Variants in NEURL4 observed in about 807,000 individuals in gnomAD.
NEURL4 encodes neuralized-like protein 4.
Under a neutral mutation model 148.0 loss-of-function variants are expected in NEURL4, and 45 were observed. That is an observed-to-expected ratio of 0.30 (90% CI 0.24 to 0.39). The LOEUF (loss-of-function observed/expected upper bound fraction) is 0.39, where lower values mean the gene tolerates loss of function less well. Among genes scored for constraint, NEURL4 ranks in the 10% least tolerant of loss-of-function variants. NEURL4 has a pLI of 1.00. For synonymous variants in NEURL4, 854 were observed against 869.0 expected, an observed-to-expected ratio of 0.98 and a Z score of 0.30; for missense variants, 1,776 against 2,144.0, an observed-to-expected ratio of 0.83 and a Z score of 3.39.
chr17:7,316,655 G>A (rs1382159270), intron 28 of NEURL4, among the ~76,000 whole-genome samples: 5 of 152,222 alleles, frequency 3.3e-5, no homozygotes, highest in African/African-American at 9.6e-5. Flanking sequence ...GGCGGGGCGC[G>A]GTGGCTCACG....
Position 7,324,547 on chromosome 17 carries a change from C to G in NEURL4, c.1814-67G>C. ...AGGGCTCCTCTCCTTGCCACAGCAG[C>G]GCCCACAGGACTCCCGAGCCCACAG... On this transcript the variant is annotated intron_variant, in intron 9 of 28. Transcript: ENST00000399464. This position sits in a 1 kb window ranked among gnomAD's most constrained non-coding sequence, Gnocchi z 5.9. 7.0e-7 allele frequency: 1 copy of G among 1,433,226 alleles called. No homozygotes were observed. Among genetic ancestry groups the G allele is most frequent in the Non-Finnish European group, 9.8e-7 (1 of 1,017,822 alleles). The allele number at this position is 1,433,226 out of a possible 1,614,324, so 88.8% of individuals were successfully genotyped here. A position where few individuals can be genotyped will look rare whatever the true frequency, so the allele number is the denominator to read the frequency against.
Position 7,329,309 on chromosome 17 carries a change from C to A in NEURL4, c.4G>T (p.Ala2Ser). 1 of 1,394,598 alleles carries A rather than the reference C, an allele frequency of 7.2e-7. No homozygotes were observed. Among genetic ancestry groups the A allele is most frequent in the Non-Finnish European group, 9.3e-7 (1 of 1,081,024 alleles). 86.4% of individuals were successfully genotyped at this position (1,394,598 alleles called of 1,614,324 possible). Reference sequence around the variant, plus strand: ...CCCCCACTCCCACCCGACCCTGCCGCCATCTCCGCTGACACCGGGGCAGCG... The same window carrying A: ...CCCCCACTCCCACCCGACCCTGCCGACATCTCCGCTGACACCGGGGCAGCG... M[A>S]AGSGGSGGSG... The change falls in exon 1 of 29, where the codon GCG (alanine) becomes TCG (serine). Residue 2 changes from alanine (A) to serine (S), a missense_variant. Ala to Ser is a moderately conservative substitution (Grantham distance 99, BLOSUM62 1). Transcript: ENST00000399464.
rs1309948362 is a variant in NEURL4 at position 7,321,141 on chromosome 17, C to G, written c.3331G>C (p.Asp1111His). 6.2e-7 allele frequency: 1 copy of G among 1,613,778 alleles called. No homozygotes were observed. Among genetic ancestry groups the G allele is most frequent in the Non-Finnish European group, 8.5e-7 (1 of 1,179,996 alleles). Residue 1111 changes from aspartate (D) to histidine (H), a missense_variant, in exon 20 of 29, where the codon GAT becomes CAT. Asp to His is a moderately conservative substitution (Grantham distance 81). Coordinates refer to ENST00000399464, the MANE Select transcript of NEURL4 (RefSeq NM_032442.3). This position sits in a 1 kb window ranked among gnomAD's most constrained non-coding sequence, Gnocchi z 6.3. Reference sequence around the variant, plus strand: ...AGGCCATGCTCCTCGCCCTCGTCATCCTCCTCGCCCTCACTGCCGGTGTCT... The same window carrying G: ...AGGCCATGCTCCTCGCCCTCGTCATGCTCCTCGCCCTCACTGCCGGTGTCT... ...SSDTGSEGEE[D>H]DEGEEHGLGG...
Position 7,322,397 on chromosome 17 carries a change from A to G in NEURL4, c.2725+338T>C, listed in dbSNP as rs2073045599. Among the ~76,000 whole-genome samples, 1 of 152,130 alleles carries G rather than the reference A, an allele frequency of 6.6e-6. No homozygotes were observed. ...GGTCTCAAACTCTTGTGCTCGAGAG[A>G]TCCACCTGCCTTGAACTCCCAAAGT... On this transcript the variant is annotated intron_variant, in intron 16 of 28. Transcript: ENST00000399464. This position sits in a 1 kb window ranked among gnomAD's most constrained non-coding sequence, Gnocchi z 5.5.
rs2073114580 is a variant in NEURL4 at position 7,327,217 on chromosome 17, G to A, written c.741C>T (p.Ser247=). ...GTSADEAFMV[S]PAQARPETFP... is the part of the protein sequence containing the mutation. ...ACGTCTCCGGCCGGGCCTGCGCTGG[G>A]GACACCATGAAGGCTGGGGACCAGG... Residue 247 remains serine, a synonymous_variant, in exon 3 of 29, where the codon TCC becomes TCT. Transcript: ENST00000399464. The surrounding 1 kb of genome is among the most constrained non-coding windows in gnomAD (Gnocchi z 6.6). The A allele has an allele frequency of 6.2e-7, 1 of 1,610,914 alleles. No individual in the cohort carries two copies. The highest frequency in any genetic ancestry group is 1.1e-5 in the South Asian group (1 of 90,842).
rs34688574 is a variant in NEURL4, at chr17:7,317,562, C to A, written c.4217G>T (p.Arg1406Leu). Reference protein sequence around the residue: ...WCRFNLRVNPRLEAGTLTKKW... With the variant: ...WCRFNLRVNPLLEAGTLTKKW... ...CTTGGTTAGTGTCCCAGCCTCCAGG[C>A]GGGGATTCACTCTAGGAGGTGGACA... is the stretch of plus-strand genomic sequence containing the variant. Residue 1406 changes from arginine to leucine, a missense_variant, in exon 27 of 29, where the codon CGC (arginine) becomes CTC (leucine). By Grantham distance (102) the Arg-to-Leu change is moderately radical. Coordinates refer to ENST00000399464, the MANE Select transcript of NEURL4 (RefSeq NM_032442.3). 140 of 1,613,944 alleles carry A rather than the reference C, an allele frequency of 8.7e-5. No homozygotes were observed. The highest frequency in any genetic ancestry group is 3.7e-4 in the Admixed American group (22 of 59,998).
rs1399774793 is a variant in NEURL4 at position 7,326,718 on chromosome 17, A to G, written c.1085T>C (p.Met362Thr). The G allele has an allele frequency of 6.2e-7, 1 of 1,609,798 alleles. No individual in the cohort carries two copies. The highest frequency in any genetic ancestry group is 1.3e-5 in the African/African-American group (1 of 74,408). Residue 362 changes from methionine to threonine, a missense_variant, in exon 4 of 29, where the codon ATG (methionine) becomes ACG (threonine). Physicochemically the swap from Met to Thr is moderately conservative, Grantham distance 81 (BLOSUM62 -1). Coordinates refer to ENST00000399464, the MANE Select transcript of NEURL4 (RefSeq NM_032442.3). This position sits in a 1 kb window ranked among gnomAD's most constrained non-coding sequence, Gnocchi z 6.0. ...CCACAGGACTTTGCACACCTCAAAC[A>G]TCTCATTGTCCCGAAGGGGGCGATT... ...MTNRPLRDNE[M>T]FEIRIDKLVD... is the part of the protein sequence containing the mutation.
chr17:7,321,130 G>A lies in NEURL4; in HGVS notation c.3342C>T (p.Gly1114=). The A allele has an allele frequency of 6.2e-7, 1 of 1,613,654 alleles. No individual in the cohort carries two copies. The highest frequency in any genetic ancestry group is 8.5e-7 in the Non-Finnish European group (1 of 1,179,924). Residue 1114 remains glycine, a synonymous_variant, in exon 20 of 29, where the codon GGC becomes GGT. Coordinates refer to ENST00000399464, the MANE Select transcript of NEURL4 (RefSeq NM_032442.3). The surrounding 1 kb of genome is among the most constrained non-coding windows in gnomAD (Gnocchi z 6.3). The stretch of plus-strand genomic sequence containing the variant: ...CTCTTACTCCCAGGCCATGCTCCTC[G>A]CCCTCGTCATCCTCCTCGCCCTCAC... ...TGSEGEEDDE[G]EEHGLGGQNE... is the part of the protein sequence containing the mutation.
chr17:7,327,064 C>G lies in NEURL4; in HGVS notation c.794-55G>C. On this transcript the variant is annotated intron_variant, in intron 3 of 28. Coordinates refer to ENST00000399464, the MANE Select transcript of NEURL4 (RefSeq NM_032442.3). The surrounding 1 kb of genome is among the most constrained non-coding windows in gnomAD (Gnocchi z 6.6). ...CGGAAGTTGGGATGAGGCTCTACAC[C>G]CCCAGACCTGGTGCCTCTCTCCCTA... is the stretch of plus-strand genomic sequence containing the variant. 1 of 1,600,736 alleles carries G rather than the reference C, an allele frequency of 6.2e-7. No individual in the cohort carries two copies. Among genetic ancestry groups the G allele is most frequent in the South Asian group, 1.1e-5 (1 of 90,930 alleles).
At chr17:7,320,738 G>A in intron 21 of NEURL4, 21 bp downstream of exon 21, 1 of 1,605,214 alleles carries the variant, frequency 6.2e-7, no homozygotes, top group African/African-American at 1.3e-5. Context: ...GAGAAGCTGG[G>A]GATAGGGAGG....
In NEURL4 at chr17:7,316,219, T is replaced by G; in HGVS notation, c.4593A>C (p.Glu1531Asp). The G allele has an allele frequency of 6.2e-6, 10 of 1,613,512 alleles. No homozygotes were observed. The highest frequency in any genetic ancestry group is 8.5e-6 in the Non-Finnish European group (10 of 1,179,494). Residue 1531 changes from glutamate (E) to aspartate (D), a missense_variant, in exon 29 of 29, where the codon GAA becomes GAC. Glu to Asp is a conservative substitution (Grantham distance 45). Coordinates refer to ENST00000399464, the MANE Select transcript of NEURL4 (RefSeq NM_032442.3). ...TPGPPSAALG[E>D]PPDPHFSPAE... Reference sequence around the variant, plus strand: ...CTGGACTGAAGTGAGGGTCAGGAGGTTCTCCAAGGGCAGCGGAAGGGGGTC... The same window carrying G: ...CTGGACTGAAGTGAGGGTCAGGAGGGTCTCCAAGGGCAGCGGAAGGGGGTC...
Position 7,321,115 on chromosome 17 carries a change from C to G in NEURL4, c.3357G>C (p.Leu1119=). Residue 1119 remains leucine, a synonymous_variant, in exon 20 of 29, where the codon CTG becomes CTC. Coordinates refer to ENST00000399464, the MANE Select transcript of NEURL4 (RefSeq NM_032442.3). The surrounding 1 kb of genome is among the most constrained non-coding windows in gnomAD (Gnocchi z 6.3). ...EEDDEGEEHG[L]GGQNEVGIIP... is the part of the protein sequence containing the mutation. ...AGACCATGCTGCAGCCTCTTACTCC[C>G]AGGCCATGCTCCTCGCCCTCGTCAT... 2 of 1,613,552 alleles carry G rather than the reference C, an allele frequency of 1.2e-6. No homozygotes were observed. The highest frequency in any genetic ancestry group is 1.7e-6 in the Non-Finnish European group (2 of 1,179,832).
In NEURL4 at chr17:7,323,046, G is replaced by T. The variant is rs923780707; in HGVS notation, c.2495C>A (p.Ala832Glu). ...GGCAGTTCGCATCATGCCAATGCGT[G>T]CACCTGTGCCCAGCGCATCCAGGTC... ...GCDLDALGTGARIGMMRTAKG... is the reference protein window; with the variant it reads ...GCDLDALGTGERIGMMRTAKG... Residue 832 changes from alanine (A) to glutamate (E), a missense_variant, in exon 15 of 29, where the codon GCA (alanine) becomes GAA (glutamate). Coordinates refer to ENST00000399464, the MANE Select transcript of NEURL4 (RefSeq NM_032442.3). 30 of 1,613,664 alleles carry T rather than the reference G, an allele frequency of 1.9e-5. No individual in the cohort carries two copies. Among genetic ancestry groups the T allele is most frequent in the Non-Finnish European group, 2.5e-5 (30 of 1,179,996 alleles).
chr17:7,316,786 G>C (rs976074937), intron 28 of NEURL4, among the ~76,000 whole-genome samples: 7 of 152,132 alleles, frequency 4.6e-5, no homozygotes, highest in Non-Finnish European at 1.0e-4. Context: ...TCCGGGCTTG[G>C]TGGTGCGTGC....
At position 7,324,574 on chromosome 17, in the gene NEURL4, C is replaced by T. The variant is rs890190499; in HGVS notation, c.1814-94G>A. On this transcript the variant is annotated intron_variant, in intron 9 of 28. Coordinates refer to ENST00000399464, the MANE Select transcript of NEURL4 (RefSeq NM_032442.3). This position sits in a 1 kb window ranked among gnomAD's most constrained non-coding sequence, Gnocchi z 5.9. ...CCCACAGGACTCCCGAGCCCACAGT[C>T]CACCTTGCCTTTTCTTTGATGACTA... 4.5e-5 allele frequency: 56 copies of T among 1,237,302 alleles called. No individual in the cohort carries two copies. Among genetic ancestry groups the T allele is most frequent in the Non-Finnish European group, 6.6e-5 (56 of 853,862 alleles). The allele number at this position is 1,237,302 out of a possible 1,614,324, so 76.6% of individuals were successfully genotyped here. A position where few individuals can be genotyped will look rare whatever the true frequency, so the allele number is the denominator to read the frequency against.
chr17:7,323,127 G>T lies in NEURL4; in HGVS notation c.2418-4C>A, dbSNP rs753110569. The stretch of plus-strand genomic sequence containing the variant: ...GTCTTGCATGATGGCTGTACCACTG[G>T]GGGGATGGCAGAAGGGGTGAGTCAG... On this transcript the variant is annotated splice_polypyrimidine_tract_variant and splice_region_variant and intron_variant, in intron 14 of 28. Transcript: ENST00000399464. The T allele has an allele frequency of 2.5e-6, 4 of 1,608,332 alleles. No homozygotes were observed. The highest frequency in any genetic ancestry group is 3.4e-6 in the Non-Finnish European group (4 of 1,175,858).
At position 7,323,909 on chromosome 17, in the gene NEURL4, C is replaced by G. The variant is rs553042539; in HGVS notation, c.2166G>C (p.Leu722=). The change falls in exon 12 of 29, where the codon CTG becomes CTC. Residue 722 remains leucine (L), a synonymous_variant. Transcript: ENST00000399464. ...AGGSDLRFHQ[L]HGSNAVITNG... is the part of the protein sequence containing the mutation. ...TAGTGATGACTGCGTTACTGCCGTG[C>G]AGCTGATGGAAGCGCAGGTCAGAGC... 8.7e-6 allele frequency: 14 copies of G among 1,613,830 alleles called. No individual in the cohort carries two copies. In the East Asian group the frequency reaches 3.1e-4, roughly 36 times the overall value.
At chr17:7,319,985 A>G (rs2073008873) in intron 21 of NEURL4, among the ~76,000 whole-genome samples, 2 of 151,120 alleles carry the variant, frequency 1.3e-5, no homozygotes. Flanking sequence ...GCCCGCCACC[A>G]CGCCCGGCTA....
rs2073106085 is a variant in NEURL4, at chr17:7,326,629, C to A, written c.1093-81G>T. 1.2e-6 allele frequency: 2 copies of A among 1,603,236 alleles called. No homozygotes were observed. ...TCAGCCCTTGGTTCTTCCCCAGGGC[C>A]CACCCTCCTAGCACCAAGGGTCAAT... On this transcript the variant is annotated intron_variant, in intron 4 of 28. Coordinates refer to ENST00000399464, the MANE Select transcript of NEURL4 (RefSeq NM_032442.3). This position sits in a 1 kb window ranked among gnomAD's most constrained non-coding sequence, Gnocchi z 6.0.
Sources: gnomAD v4.1 joint callset for allele counts (sites outside exome capture counted in the v4.1 genomes callset) on GRCh38, gnomAD v4.1.1 for gene constraint, Gnocchi (gnomAD v3.1) non-coding constraint, MANE v1.5 for transcripts, NCBI Gene and HGNC (gene_info 2026-07-23, HGNC 2026-07-21) for gene names.